NT5DC1: variants seen among roughly 807,000 people sequenced by gnomAD.
The protein encoded by NT5DC1 is 5'-nucleotidase domain containing 1.
In NT5DC1, 42 loss-of-function variants were observed where a neutral mutation model predicts 59.4. The ratio of observed to expected loss-of-function variants is 0.71; its 90% confidence interval spans 0.55 to 0.92. The LOEUF (loss-of-function observed/expected upper bound fraction) is 0.92. Among genes scored for constraint, NT5DC1 ranks in the 40% least tolerant of loss-of-function variants. The pLI is 0.00. For missense variants in NT5DC1, 501 were observed against 537.1 expected (o/e 0.93, Z 0.66); for synonymous variants, 172 against 188.1 (o/e 0.91, Z 0.70).
intron 6 of NT5DC1, among the ~76,000 whole-genome samples, chr6:116,162,825 A>C (rs1451021356): frequency 1.3e-5 from 2 of 152,020 alleles, no homozygotes; most frequent in Non-Finnish European, 2.9e-5. Flanking sequence ...TCCTCAATTT[A>C]AAAAATATGT....
At chr6:116,199,696 G>A (rs1781306668) in intron 6 of NT5DC1, among the ~76,000 whole-genome samples, 1 of 151,998 alleles carries the variant, frequency 6.6e-6, no homozygotes, top group Non-Finnish European at 1.5e-5. Context: ...ATGGAGGTGT[G>A]TAAAAGGGAC....
At chr6:116,222,008 A>G (rs967200517) in intron 7 of NT5DC1, among the ~76,000 whole-genome samples, 2 of 152,202 alleles carry the variant, frequency 1.3e-5, no homozygotes, top group Non-Finnish European at 2.9e-5. Flanking sequence ...TCAAATACCG[A>G]ATTGCCATGA....
chr6:116,204,188 C>T (rs749049742), intron 6 of NT5DC1, among the ~76,000 whole-genome samples: 7 of 151,850 alleles, frequency 4.6e-5, no homozygotes, highest in African/African-American at 1.7e-4. Context: ...TTAATACCAC[C>T]GAGTTTGTCA....
At chr6:116,192,007 A>G (rs1463513390) in intron 6 of NT5DC1, among the ~76,000 whole-genome samples, 6 of 152,086 alleles carry the variant, frequency 3.9e-5, no homozygotes, top group Non-Finnish European at 7.4e-5. Flanking sequence ...ATGAGGATGC[A>G]GGCTTATGAA....
intron 6 of NT5DC1, among the ~76,000 whole-genome samples, chr6:116,122,517 CAAAG>C (rs1247382969): frequency 6.6e-6 from 1 of 152,052 alleles, no homozygotes; most frequent in Non-Finnish European, 1.5e-5. Context: ...AAAATTGAAA[CAAAG>C]AACTAGAGAA....
chr6:116,121,900 C>T lies in NT5DC1; in HGVS notation c.529+3955C>T, dbSNP rs746314031. The T allele has an allele frequency of 6.2e-7, 1 of 1,613,848 alleles. No individual in the cohort carries two copies. Among genetic ancestry groups the T allele is most frequent in the Admixed American group, 1.7e-5 (1 of 60,012 alleles). On this transcript the variant is annotated intron_variant, in intron 6 of 11. Coordinates refer to ENST00000319550, the MANE Select transcript of NT5DC1 (RefSeq NM_152729.3). Reference sequence around the variant, plus strand: ...CTGGTGGTCCAGAAGGACCTGGGTGCCCTCGAGGTCCAGCAGGGCCTGGTG... The same window carrying T: ...CTGGTGGTCCAGAAGGACCTGGGTGTCCTCGAGGTCCAGCAGGGCCTGGTG...
At chr6:116,160,147 G>C (rs947560671) in intron 6 of NT5DC1, among the ~76,000 whole-genome samples, 1 of 152,090 alleles carries the variant, frequency 6.6e-6, no homozygotes, top group African/African-American at 2.4e-5. Flanking sequence ...GGGGTTGCTG[G>C]ATCAAAGGGT....
chr6:116,163,139 A>ATATATATAT (rs1329810394), intron 6 of NT5DC1, among the ~76,000 whole-genome samples: 19 of 100,426 alleles, frequency 1.9e-4, no homozygotes, highest in Admixed American at 1.5e-3. Context: ...AAAAAAAAAA[A>ATATATATAT]AAATATATAT....
chr6:116,204,641 G>T (rs1781412819), intron 6 of NT5DC1, among the ~76,000 whole-genome samples: 1 of 151,942 alleles, frequency 6.6e-6, no homozygotes, highest in African/African-American at 2.4e-5. Context: ...GTACTCATAT[G>T]TATACATGGA....
At chr6:116,180,693 A>G (rs1780855487) in intron 6 of NT5DC1, among the ~76,000 whole-genome samples, 1 of 152,128 alleles carries the variant, frequency 6.6e-6, no homozygotes. Flanking sequence ...CTAGAGTACC[A>G]AGTTAGTTGA....
chr6:116,196,277 C>T (rs893415910), intron 6 of NT5DC1, among the ~76,000 whole-genome samples: 9 of 152,028 alleles, frequency 5.9e-5, no homozygotes, highest in African/African-American at 2.2e-4. Context: ...TTCCATATCA[C>T]ATTTGTTATT....
At chr6:116,207,151 A>G (rs1015035863) in intron 6 of NT5DC1, among the ~76,000 whole-genome samples, 1 of 151,974 alleles carries the variant, frequency 6.6e-6, no homozygotes, top group African/African-American at 2.4e-5. Flanking sequence ...ATATCTCTGC[A>G]TTAATAACTA....
chr6:116,110,773 A>T (rs1404004726), intron 3 of NT5DC1, 77 bp from the exon 4 acceptor site: 4 of 1,039,464 alleles, frequency 3.8e-6, no homozygotes, highest in Middle Eastern at 4.0e-4. Flanking sequence ...GGCAACAGGG[A>T]TCAACAGTCA....
At chr6:116,110,987 C>T (rs374877780) in intron 4 of NT5DC1, 31 bp downstream of exon 4, 18 of 1,398,094 alleles carry the variant, frequency 1.3e-5, no homozygotes, top group African/African-American at 4.2e-5. Context: ...CTCCACCATC[C>T]GCTCCCTGTT....
chr6:116,115,785 AT>A lies in NT5DC1; in HGVS notation c.444+21del. The A allele has an allele frequency of 3.0e-6, 4 of 1,350,092 alleles. No homozygotes were observed. Among genetic ancestry groups the A allele is most frequent in the Non-Finnish European group, 4.3e-6 (4 of 940,010 alleles). 83.6% of individuals were successfully genotyped at this position (1,350,092 alleles called of 1,614,324 possible). A position where few individuals can be genotyped will look rare whatever the true frequency, so the allele number is the denominator to read the frequency against. On this transcript the variant is annotated intron_variant, in intron 5 of 11. Coordinates refer to ENST00000319550, the MANE Select transcript of NT5DC1 (RefSeq NM_152729.3). ...ATTTAACAAAAGTAAGTGGGGACTCATTTTTTAAAACTATGATATGTAGTCA... is the reference window on the plus strand; with the variant it reads ...ATTTAACAAAAGTAAGTGGGGACTCATTTTTAAAACTATGATATGTAGTCA...
chr6:116,214,518 A>G (rs1055842183), intron 6 of NT5DC1, among the ~76,000 whole-genome samples: 1 of 152,084 alleles, frequency 6.6e-6, no homozygotes, highest in Non-Finnish European at 1.5e-5. Flanking sequence ...TACTGAAGTA[A>G]TTCTCAAAGT....
intron 1 of NT5DC1, among the ~76,000 whole-genome samples, chr6:116,105,270 C>G (rs948492214): frequency 6.6e-6 from 1 of 152,162 alleles, no homozygotes; most frequent in African/African-American, 2.4e-5. Flanking sequence ...ATTCACCCAG[C>G]GAACTGCTGC....
At chr6:116,186,527 G>C (rs554637159) in intron 6 of NT5DC1, among the ~76,000 whole-genome samples, 1 of 151,684 alleles carries the variant, frequency 6.6e-6, no homozygotes, top group Non-Finnish European at 1.5e-5. Flanking sequence ...TCTTAGGTTT[G>C]GTCATTTAAC....
intron 10 of NT5DC1, 30 bp from the exon 11 acceptor site, chr6:116,238,925 C>G (rs895986676): frequency 2.9e-6 from 4 of 1,387,214 alleles, no homozygotes; most frequent in African/African-American, 2.9e-5. Context: ...AGTTAATCAC[C>G]ATTTTAATTA....
Sources: allele counts gnomAD v4.1 joint callset (sites outside exome capture counted in the v4.1 genomes callset), GRCh38; gene constraint gnomAD v4.1.1; transcripts MANE v1.5; gene names NCBI Gene and HGNC (gene_info 2026-07-23, HGNC 2026-07-21).